The following MTRR variants were observed in gnomAD, a reference collection of about 807,000 sequenced individuals.
MTRR encodes the protein methionine synthase reductase.
MTRR carries 63 observed loss-of-function variants against 79.2 expected under a neutral mutation model. That is an observed-to-expected ratio of 0.80 (90% CI 0.65 to 0.98). The LOEUF (loss-of-function observed/expected upper bound fraction) is 0.98, where lower values mean the gene tolerates loss of function less well. Ranked by LOEUF, MTRR falls within the 50% of genes least tolerant of loss-of-function variation. The probability of loss-of-function intolerance (pLI) is 0.00; values close to 1 mark genes in which losing one functional copy is unlikely to be tolerated. For synonymous variants in MTRR, 355 were observed against 313.3 expected (o/e 1.13, Z -1.41); for missense variants, 895 against 839.6 (o/e 1.07, Z -0.82).
At chr5:7,864,781 C>T (rs1255152696), upstream of MTRR, among the ~76,000 whole-genome samples, 1 of 151,600 alleles carries the variant, frequency 6.6e-6, no homozygotes, top group Non-Finnish European at 1.5e-5. Context: ...TCATTCATTG[C>T]TGGGGAAATG....
At chr5:7,891,436 A>G in intron 10 of MTRR, 22 bp downstream of exon 10, 1 of 1,589,250 alleles carries the variant, frequency 6.3e-7, no homozygotes, top group Non-Finnish European at 8.6e-7. Flanking sequence ...TATTCACGTA[A>G]TATATAGCAT....
intron 4 of MTRR, among the ~76,000 whole-genome samples, 164 bp from the exon 5 acceptor site, chr5:7,877,780 T>C (rs1734829227): frequency 6.6e-6 from 1 of 152,178 alleles, no homozygotes; most frequent in Non-Finnish European, 1.5e-5. Flanking sequence ...ATATCCTGCT[T>C]GTTAAAACTT....
At chr5:7,886,308 T>G (rs947814103) in intron 7 of MTRR, among the ~76,000 whole-genome samples, 1 of 152,162 alleles carries the variant, frequency 6.6e-6, no homozygotes, top group African/African-American at 2.4e-5. Flanking sequence ...TAAATTGATT[T>G]TTTGAGAAGA....
intron 6 of MTRR, 107 bp from the exon 7 acceptor site, chr5:7,885,594 C>A: frequency 3.1e-6 from 3 of 980,074 alleles, no homozygotes; most frequent in Non-Finnish European, 1.5e-6. Context: ...TTTCTGAGTT[C>A]ACATATTAAA....
chr5:7,876,229 G>A (rs1579642173), intron 4 of MTRR, among the ~76,000 whole-genome samples: 3 of 152,278 alleles, frequency 2.0e-5, no homozygotes, highest in African/African-American at 7.2e-5. Context: ...TGATGCCATG[G>A]GTTTTTTCCA....
chr5:7,851,362 A>G, exon 1 of MTRR: 1 of 245,156 alleles, frequency 4.1e-6, no homozygotes. Context: ...TCACTCACTG[A>G]TCACTCCTTC....
At chr5:7,861,178 G>A (rs772526339) in intron 1 of MTRR, 8 of 1,611,192 alleles carry the variant, frequency 5.0e-6, no homozygotes, top group Admixed American at 1.7e-5. Flanking sequence ...AGTAACTGTA[G>A]GTGTCTTTGT....
chr5:7,895,989 G>T, intron 12 of MTRR, 137 bp downstream of exon 12: 1 of 1,141,006 alleles, frequency 8.8e-7, no homozygotes, highest in Non-Finnish European at 1.2e-6. Flanking sequence ...AACATAATTT[G>T]TCACCATGGG....
upstream of MTRR, chr5:7,866,132 T>C (rs1746929772): frequency 3.3e-6 from 2 of 605,534 alleles, no homozygotes; most frequent in Non-Finnish European, 5.8e-6. Flanking sequence ...TAGAATTAAT[T>C]ATGCCCTCCT....
At chr5:7,880,144 G>A (rs1411069562) in intron 5 of MTRR, among the ~76,000 whole-genome samples, 1 of 113,750 alleles carries the variant, frequency 8.8e-6, no homozygotes, top group Non-Finnish European at 2.3e-5. Context: ...CATAGGGCAT[G>A]GGTCTTACCA....
chr5:7,888,114 A>C (rs958689811), intron 8 of MTRR, among the ~76,000 whole-genome samples: 5 of 151,966 alleles, frequency 3.3e-5, no homozygotes, highest in African/African-American at 1.2e-4. Flanking sequence ...TTGCTTTTTC[A>C]CTATTAAAAA....
intron 1 of MTRR, 112 bp from the exon 2 acceptor site, chr5:7,870,658 C>A: frequency 8.6e-7 from 1 of 1,168,642 alleles, no homozygotes; most frequent in Non-Finnish European, 1.2e-6. Context: ...AAGGCCATTT[C>A]ATATTATGTG....
At chr5:7,894,002 T>G (rs1738078250) in intron 11 of MTRR, among the ~76,000 whole-genome samples, 1 of 152,206 alleles carries the variant, frequency 6.6e-6, no homozygotes, top group Non-Finnish European at 1.5e-5. Context: ...TTGGTGATTG[T>G]ATAAAGATAG....
Position 7,885,733 on chromosome 5 carries a change from C to G in MTRR, c.936C>G (p.Ala312=), listed in dbSNP as rs777075473. 2.5e-6 allele frequency: 4 copies of G among 1,613,602 alleles called. No individual in the cohort carries two copies. In the African/African-American group the frequency reaches 5.4e-5, roughly 22 times the overall value. ...NTDFSYQPGD[A]FSVICPNSDS... ...ACTTTTCCTATCAGCCTGGAGATGC[C>G]TTCAGCGTGATCTGCCCTAACAGTG... The change falls in exon 7 of 15, where the codon GCC becomes GCG. Residue 312 remains alanine (A), a synonymous_variant. Coordinates refer to ENST00000440940, the MANE Select transcript of MTRR (RefSeq NM_002454.3).
rs2287781 is a variant in MTRR at position 7,897,023 on chromosome 5, G to C, written c.1770-42G>C. On this transcript the variant is annotated intron_variant, in intron 13 of 14. Coordinates refer to ENST00000440940, the MANE Select transcript of MTRR (RefSeq NM_002454.3). ...CAATTCTAATTCTCAGACTTTTTCAGCTTGACAACCTTTTAGTGATCCATT... is the reference window on the plus strand; with the variant it reads ...CAATTCTAATTCTCAGACTTTTTCACCTTGACAACCTTTTAGTGATCCATT... 4.8e-4 allele frequency: 781 copies of C among 1,612,908 alleles called. 14 individuals are homozygous for C. The East Asian group carries it at 0.014, about 29-fold the overall frequency.
At chr5:7,895,092 A>G (rs1049524389) in intron 11 of MTRR, among the ~76,000 whole-genome samples, 5 of 152,242 alleles carry the variant, frequency 3.3e-5, no homozygotes, top group African/African-American at 9.6e-5. Context: ...TGTCATTCTT[A>G]AATCTTGGTA....
chr5:7,887,547 TATTTATATATATATAG>T (rs1013995077), intron 8 of MTRR, among the ~76,000 whole-genome samples: 16 of 147,966 alleles, frequency 1.1e-4, no homozygotes, highest in African/African-American at 3.7e-4. Context: ...AATATATGTA[TATTTATATATATATAG>T]ATTTATATAT....
At chr5:7,890,443 C>A in intron 9 of MTRR, 3 of 978,084 alleles carry the variant, frequency 3.1e-6, no homozygotes, top group South Asian at 9.5e-5. Flanking sequence ...TTAGAAAGTT[C>A]TCTTATCGCA....
At chr5:7,879,112 T>C (rs1046777838) in intron 5 of MTRR, among the ~76,000 whole-genome samples, 1 of 152,250 alleles carries the variant, frequency 6.6e-6, no homozygotes, top group African/African-American at 2.4e-5. Flanking sequence ...AAAGCTTTCA[T>C]GTAAGTATGA....
Sources: gnomAD v4.1 joint callset for allele counts (sites outside exome capture counted in the v4.1 genomes callset) on GRCh38, gnomAD v4.1.1 for gene constraint, MANE v1.5 for transcripts, NCBI Gene and HGNC (gene_info 2026-07-23, HGNC 2026-07-21) for gene names.